The following RBMX2 variants were observed in gnomAD, a reference collection of about 807,000 sequenced individuals.
The protein encoded by RBMX2 is RNA binding motif protein X-linked 2.
For missense variants in RBMX2, 191 were observed against 256.0 expected (o/e 0.75, Z 1.73); for synonymous variants, 77 against 94.3 (o/e 0.82, Z 1.07).
chrX:130,409,406 AGGTT>A lies in RBMX2; in HGVS notation c.303+27_303+30del, dbSNP rs764984839. ...ATCAAGGTGAGTGTGCTTATTAAGC[AGGTT>A]GGTTGGACTTTTTTCCCATGTATAG... On this transcript the variant is annotated intron_variant, in intron 4 of 5. Transcript: ENST00000305536. The A allele has an allele frequency of 3.4e-6, 4 of 1,192,902 alleles. No homozygotes were observed. In the South Asian group the frequency reaches 7.5e-5, roughly 23 times the overall value.
intron 2 of RBMX2, 86 bp downstream of exon 2, chrX:130,402,456 T>G: frequency 8.9e-7 from 1 of 1,123,398 alleles, no homozygotes; most frequent in Non-Finnish European, 1.2e-6. Context: ...CCTTCACTCC[T>G]GCTTACATTC....
Position 130,412,840 on chromosome X carries a change from C to A in RBMX2, c.961C>A (p.Arg321Ser). ...RESSNPSDRWRH is the reference protein window; with the variant it reads ...RESSNPSDRWSH ...GTCTTCGAATCCCAGTGACCGTTGG[C>A]GTCACTGAAGACTTCAGCTGCACAG... is the stretch of plus-strand genomic sequence containing the variant. The change falls in exon 6 of 6, where the codon CGT (arginine) becomes AGT (serine). Residue 321 changes from arginine (R) to serine (S), a missense_variant. Coordinates refer to ENST00000305536, the MANE Select transcript of RBMX2 (RefSeq NM_016024.4). The A allele has an allele frequency of 8.3e-7, 1 of 1,206,153 alleles. No homozygotes were observed. The highest frequency in any genetic ancestry group is 2.2e-5 in the Admixed American group (1 of 45,400).
intron 3 of RBMX2, among the ~76,000 whole-genome samples, chrX:130,409,004 A>T: frequency 8.9e-6 from 1 of 111,786 alleles, no homozygotes; most frequent in Non-Finnish European, 1.9e-5. Context: ...TTTTCAGTGT[A>T]AAATAATCTT....
Position 130,401,987 on chromosome X carries a change from C to A in RBMX2, c.-46C>A. The A allele has an allele frequency of 8.5e-7, 1 of 1,178,847 alleles. No homozygotes were observed. Among genetic ancestry groups the A allele is most frequent in the Admixed American group, 2.4e-5 (1 of 41,062 alleles). On this transcript the variant is annotated 5_prime_UTR_variant, in exon 1 of 6. Transcript: ENST00000305536. Reference sequence around the variant, plus strand: ...CGGGGCCGCGCATGCGCTGCGCTGCCTTTCCCGGGCGCTGATTCCTGAGTG... The same window carrying A: ...CGGGGCCGCGCATGCGCTGCGCTGCATTTCCCGGGCGCTGATTCCTGAGTG...
intron 1 of RBMX2, 75 bp from the exon 2 acceptor site, chrX:130,402,180 C>T: frequency 8.6e-7 from 1 of 1,168,441 alleles, no homozygotes; most frequent in Admixed American, 2.6e-5. Context: ...TTTTGCTCTT[C>T]CTCAGCTCCG....
At chrX:130,402,425 C>T in intron 2 of RBMX2, 55 bp downstream of exon 2, 1 of 1,168,292 alleles carries the variant, frequency 8.6e-7, no homozygotes, top group African/African-American at 1.8e-5. Flanking sequence ...GCTCGGTTTC[C>T]GACTATTTCG....
Position 130,412,418 on chromosome X carries a change from A to C in RBMX2, c.539A>C (p.Gln180Pro), listed in dbSNP as rs1432705917. The change falls in exon 6 of 6, where the codon CAG (glutamine) becomes CCG (proline). Residue 180 changes from glutamine (Q) to proline (P), a missense_variant. By Grantham distance (76) the Gln-to-Pro change is moderately conservative. Transcript: ENST00000305536. ...KEKEKADREV[Q>P]AEQPSSSSPR... ...AAAGAGAAAGCCGACCGGGAGGTAC[A>C]GGCAGAGCAACCATCCTCTTCGTCA... The C allele has an allele frequency of 8.3e-6, 10 of 1,203,749 alleles. No homozygotes were observed. Among genetic ancestry groups the C allele is most frequent in the Non-Finnish European group, 1.1e-5 (10 of 893,611 alleles).
rs376513857 is a variant in RBMX2 at position 130,411,456 on chromosome X, G to A, written c.412G>A (p.Ala138Thr). The change falls in exon 5 of 6, where the codon GCT (alanine) becomes ACT (threonine). Residue 138 changes from alanine (A) to threonine (T), a missense_variant. Coordinates refer to ENST00000305536, the MANE Select transcript of RBMX2 (RefSeq NM_016024.4). ...ACAACTCCAGGAGAAGGGCTGTGGGGCTCGTACCCCCTCACCAAGTTTGTC... is the reference window on the plus strand; with the variant it reads ...ACAACTCCAGGAGAAGGGCTGTGGGACTCGTACCCCCTCACCAAGTTTGTC... Reference protein sequence around the residue: ...TRQLQEKGCGARTPSPSLSES... With the variant: ...TRQLQEKGCGTRTPSPSLSES... The A allele has an allele frequency of 4.1e-6, 5 of 1,207,554 alleles. No homozygotes were observed. The highest frequency in any genetic ancestry group is 5.6e-6 in the Non-Finnish European group (5 of 893,920).
chrX:130,408,982 G>A (rs1460375287), intron 3 of RBMX2, among the ~76,000 whole-genome samples: 2 of 111,602 alleles, frequency 1.8e-5, no homozygotes, highest in Non-Finnish European at 3.8e-5. Context: ...CCTTTGTTGT[G>A]TATTTAGGCC....
chrX:130,410,677 G>A (rs1327423160), intron 4 of RBMX2, among the ~76,000 whole-genome samples: 1 of 112,316 alleles, frequency 8.9e-6, no homozygotes, highest in Non-Finnish European at 1.9e-5. Context: ...GTGAGCCACT[G>A]CGCCCGGCCA....
chrX:130,404,543 G>A (rs755814773), intron 3 of RBMX2: 1 of 112,658 alleles, frequency 8.9e-6, no homozygotes, highest in African/African-American at 3.2e-5. Context: ...CCTTGGCACA[G>A]GTGCAGAGGA....
Position 130,402,257 on chromosome X carries a change from C to G in RBMX2, c.8C>G (p.Pro3Arg), listed in dbSNP as rs375064262. ...CCACCCCCCCCGCCACCGTGAAGCC[C>G]TTTAACTAAGGTGAAGCTGATCAAC... MNPLTKVKLINEL... is the reference protein window; with the variant it reads MNRLTKVKLINEL... The change falls in exon 2 of 6, where the codon CCT becomes CGT. Residue 3 changes from proline (P) to arginine (R), a missense_variant and splice_region_variant. Pro to Arg is a moderately radical substitution (Grantham distance 103). Transcript: ENST00000305536. 11 of 1,204,751 alleles carry G rather than the reference C, an allele frequency of 9.1e-6. No individual in the cohort carries two copies. Among genetic ancestry groups the G allele is most frequent in the Non-Finnish European group, 1.2e-5 (11 of 893,111 alleles).
At chrX:130,405,614 A>C (rs918785096) in intron 3 of RBMX2, among the ~76,000 whole-genome samples, 1 of 110,439 alleles carries the variant, frequency 9.1e-6, no homozygotes, top group African/African-American at 3.3e-5. Flanking sequence ...ATAGTATATA[A>C]ATTTTTGTAT....
At position 130,413,142 on chromosome X, in the gene RBMX2, C is replaced by G. The variant is rs2034523680; in HGVS notation, c.*294C>G. 5.4e-6 allele frequency: 1 copy of G among 183,728 alleles called. No homozygotes were observed. Among genetic ancestry groups the G allele is most frequent in the Non-Finnish European group, 9.9e-6 (1 of 100,634 alleles). The allele number at this position is 183,728 out of a possible 1,213,427, so 15.1% of individuals were successfully genotyped here. On this transcript the variant is annotated 3_prime_UTR_variant, in exon 6 of 6. Coordinates refer to ENST00000305536, the MANE Select transcript of RBMX2 (RefSeq NM_016024.4). ...TGGAATTTTCAGGAAAGGGAAAATACTAGATAATTCTAGAATTCTAGTCTT... is the reference window on the plus strand; with the variant it reads ...TGGAATTTTCAGGAAAGGGAAAATAGTAGATAATTCTAGAATTCTAGTCTT...
chrX:130,408,607 A>C (rs376376795), intron 3 of RBMX2, among the ~76,000 whole-genome samples: 15 of 111,358 alleles, frequency 1.3e-4, no homozygotes, highest in African/African-American at 4.9e-4. Context: ...TTATAACATT[A>C]TAACTGGAAA....
At position 130,411,583 on chromosome X, in the gene RBMX2, G is replaced by T. The variant is rs2034512901; in HGVS notation, c.481+58G>T. On this transcript the variant is annotated intron_variant, in intron 5 of 5. Transcript: ENST00000305536. ...GTGGTCTTAATGTCTGCTCTTCCTT[G>T]CATTCACTGATAGTTGATAATCAAC... 4 of 990,813 alleles carry T rather than the reference G, an allele frequency of 4.0e-6. No individual in the cohort carries two copies. The Admixed American group carries it at 1.3e-4, about 33-fold the overall frequency. 81.7% of individuals were successfully genotyped at this position (990,813 alleles called of 1,213,427 possible).
At chrX:130,410,876 G>A (rs1179083145) in intron 4 of RBMX2, among the ~76,000 whole-genome samples, 1 of 111,976 alleles carries the variant, frequency 8.9e-6, no homozygotes, top group Non-Finnish European at 1.9e-5. Flanking sequence ...CCTAATTACT[G>A]GGTGGAGAAA....
At chrX:130,406,323 A>G (rs999664618) in intron 3 of RBMX2, among the ~76,000 whole-genome samples, 2 of 111,182 alleles carry the variant, frequency 1.8e-5, no homozygotes, top group African/African-American at 6.5e-5. Context: ...TATGAAGGAT[A>G]TTAACTCTTT....
rs34452482 is a variant in RBMX2, at chrX:130,412,565, C to A, written c.686C>A (p.Thr229Lys). ...REGQKLPKSR[T>K]AYSGGAEDLE... ...GGGCAGAAGCTCCCCAAATCCAGGA[C>A]GGCCTACTCTGGTGGAGCAGAGGAC... The change falls in exon 6 of 6, where the codon ACG (threonine) becomes AAG (lysine). Residue 229 changes from threonine to lysine, a missense_variant. Physicochemically the swap from Thr to Lys is moderately conservative, Grantham distance 78. Coordinates refer to ENST00000305536, the MANE Select transcript of RBMX2 (RefSeq NM_016024.4). The A allele has an allele frequency of 3.3e-6, 4 of 1,208,964 alleles. No individual in the cohort carries two copies. The highest frequency in any genetic ancestry group is 5.9e-5 in the East Asian group (2 of 33,683).
Sources: gnomAD v4.1 joint callset for allele counts (sites outside exome capture counted in the v4.1 genomes callset) on GRCh38, gnomAD v4.1.1 for gene constraint, MANE v1.5 for transcripts, NCBI Gene and HGNC (gene_info 2026-07-23, HGNC 2026-07-21) for gene names.